Variants in TACR1 observed in about 807,000 individuals in gnomAD.
The protein encoded by TACR1 is tachykinin receptor 1, also known as substance-P receptor.
A neutral mutation model predicts 35.8 loss-of-function variants in TACR1; 25 were observed. The ratio of observed to expected loss-of-function variants is 0.70; its 90% CI spans 0.51 to 0.98. TACR1 has a LOEUF of 0.98. Ranked by LOEUF, TACR1 falls within the 50% of genes least tolerant of loss-of-function variation. The pLI is 0.00. For synonymous variants in TACR1, 195 were observed against 206.7 expected (o/e 0.94, Z 0.48); for missense variants, 478 against 522.9 (o/e 0.91, Z 0.84).
chr2:75,074,779 T>TGC (rs1391401389), intron 2 of TACR1, among the ~76,000 whole-genome samples: 1 of 152,104 alleles, frequency 6.6e-6, no homozygotes, highest in African/African-American at 2.4e-5. Context: ...GTTGTGTGTG[T>TGC]GCATGAGGAT....
At chr2:75,064,996 A>G (rs766187065) in intron 2 of TACR1, among the ~76,000 whole-genome samples, 1 of 152,200 alleles carries the variant, frequency 6.6e-6, no homozygotes, top group African/African-American at 2.4e-5. Context: ...AATCTGCATT[A>G]TGCTCCCTGG....
intron 2 of TACR1, among the ~76,000 whole-genome samples, chr2:75,079,888 A>G (rs945412241): frequency 4.6e-5 from 7 of 152,140 alleles, no homozygotes; most frequent in African/African-American, 1.7e-4. Flanking sequence ...GGGAAGAAAG[A>G]AAGACTGCAG....
chr2:75,178,761 T>C (rs1675490212), intron 1 of TACR1, among the ~76,000 whole-genome samples: 1 of 152,200 alleles, frequency 6.6e-6, no homozygotes, highest in South Asian at 2.1e-4. Flanking sequence ...GGTACTTCCT[T>C]CTTCCCGAAA....
At chr2:75,067,212 T>C (rs1672780207) in intron 2 of TACR1, among the ~76,000 whole-genome samples, 1 of 152,206 alleles carries the variant, frequency 6.6e-6, no homozygotes, top group African/African-American at 2.4e-5. Context: ...TTATCACTTT[T>C]GCTAATTAAG....
intron 1 of TACR1, among the ~76,000 whole-genome samples, chr2:75,168,077 T>A (rs769004707): frequency 5.9e-5 from 9 of 152,210 alleles, no homozygotes; most frequent in Admixed American, 2.6e-4. Context: ...GACTTGAAAT[T>A]CCAATTTTAG....
chr2:75,137,749 A>AG (rs1558565625), intron 1 of TACR1, among the ~76,000 whole-genome samples: 2 of 150,516 alleles, frequency 1.3e-5, no homozygotes, highest in Admixed American at 6.6e-5. Flanking sequence ...AAAAAAAAAA[A>AG]AAAAAAAGAA....
At chr2:75,132,898 T>G (rs1451012440) in intron 1 of TACR1, among the ~76,000 whole-genome samples, 3 of 152,224 alleles carry the variant, frequency 2.0e-5, no homozygotes, top group Non-Finnish European at 4.4e-5. Context: ...AAGAGATTTT[T>G]TTTGTTTTCT....
intron 1 of TACR1, among the ~76,000 whole-genome samples, chr2:75,185,399 AATAAT>A (rs1298290661): frequency 6.6e-6 from 1 of 152,092 alleles, no homozygotes; most frequent in African/African-American, 2.4e-5. Context: ...AATAATATAA[AATAAT>A]CACTGAAAAA....
At position 75,169,302 on chromosome 2, in the gene TACR1, C is replaced by G. The variant is rs550372708; in HGVS notation, c.389+29244G>C. Among the ~76,000 whole-genome samples, 9 of 152,088 alleles carry G rather than the reference C, an allele frequency of 5.9e-5. No individual in the cohort carries two copies. The South Asian group carries it at 1.0e-3, about 18-fold the overall frequency. The stretch of plus-strand genomic sequence containing the variant: ...TCCTCAATTTTGATTCATTTATTCA[C>G]TAGTTATAGTATGTCTTTGTATTGG... On this transcript the variant is annotated intron_variant, in intron 1 of 4. Transcript: ENST00000305249.
intron 2 of TACR1, among the ~76,000 whole-genome samples, chr2:75,086,307 T>C (rs1185979062): frequency 6.6e-6 from 1 of 152,260 alleles, no homozygotes; most frequent in Admixed American, 6.5e-5. Flanking sequence ...AAAAACTTCA[T>C]GCAGATTTTA....
intron 2 of TACR1, among the ~76,000 whole-genome samples, chr2:75,076,515 CCA>C (rs1327977156): frequency 6.6e-6 from 1 of 152,180 alleles, no homozygotes; most frequent in Admixed American, 6.5e-5. Flanking sequence ...TAGACTGATT[CCA>C]CTGGCGGGCT....
intron 2 of TACR1, among the ~76,000 whole-genome samples, chr2:75,108,489 T>G (rs1673692596): frequency 6.6e-6 from 1 of 152,154 alleles, no homozygotes; most frequent in Non-Finnish European, 1.5e-5. Flanking sequence ...TGATAAACAG[T>G]CTTCTCAGCA....
intron 2 of TACR1, among the ~76,000 whole-genome samples, chr2:75,089,186 T>G (rs1345358739): frequency 6.6e-6 from 1 of 152,244 alleles, no homozygotes; most frequent in Non-Finnish European, 1.5e-5. Context: ...AGATCATAGC[T>G]GTCATGACCT....
At chr2:75,082,974 G>T (rs1440301805) in intron 2 of TACR1, among the ~76,000 whole-genome samples, 1 of 152,036 alleles carries the variant, frequency 6.6e-6, no homozygotes, top group East Asian at 1.9e-4. Context: ...CATTGCTTTT[G>T]GTGTTTTAGT....
intron 2 of TACR1, among the ~76,000 whole-genome samples, chr2:75,085,636 G>T (rs1673175377): frequency 6.6e-6 from 1 of 152,136 alleles, no homozygotes; most frequent in Admixed American, 6.5e-5. Context: ...TAGCTGTTGG[G>T]TTGGGAAGGA....
chr2:75,191,243 G>A (rs1335089890), intron 1 of TACR1, among the ~76,000 whole-genome samples: 4 of 152,230 alleles, frequency 2.6e-5, no homozygotes, highest in East Asian at 1.9e-4. Flanking sequence ...TGTGTCTATC[G>A]TATTTTTATA....
Position 75,049,614 on chromosome 2 carries a change from C to T in TACR1, c.1042G>A (p.Val348Met), listed in dbSNP as rs749012386. 1.2e-6 allele frequency: 2 copies of T among 1,614,070 alleles called. No individual in the cohort carries two copies. The highest frequency in any genetic ancestry group is 1.7e-6 in the Non-Finnish European group (2 of 1,180,044). ...STRYLQTQGSVYKVSRLETTI... is the reference protein window; with the variant it reads ...STRYLQTQGSMYKVSRLETTI... ...GTCTCCAGGCGGCTGACTTTGTACA[C>T]ACTGCCCTGGGTCTGGAGATACCGG... Residue 348 changes from valine to methionine, a missense_variant, in exon 5 of 5, where the codon GTG (valine) becomes ATG (methionine). Coordinates refer to ENST00000305249, the MANE Select transcript of TACR1 (RefSeq NM_001058.4).
At chr2:75,111,163 T>C (rs189288944) in intron 2 of TACR1, among the ~76,000 whole-genome samples, 156 of 152,138 alleles carry the variant, frequency 1.0e-3, no homozygotes, top group African/African-American at 3.2e-3. Flanking sequence ...AGTTTCCTGA[T>C]ATATAGAATT....
chr2:75,172,253 T>C (rs1353623227), intron 1 of TACR1, among the ~76,000 whole-genome samples: 2 of 152,180 alleles, frequency 1.3e-5, no homozygotes, highest in Non-Finnish European at 2.9e-5. Flanking sequence ...ACTGGCAGAA[T>C]CCTTTCTAGC....
Sources: gnomAD v4.1 joint callset for allele counts (sites outside exome capture counted in the v4.1 genomes callset) on GRCh38, gnomAD v4.1.1 for gene constraint, MANE v1.5 for transcripts, NCBI Gene and HGNC (gene_info 2026-07-23, HGNC 2026-07-21) for gene names.